Variants in FRMPD2 observed in about 807,000 individuals in gnomAD.
FRMPD2 encodes the protein FERM and PDZ domain containing 2.
FRMPD2 carries 96 observed loss-of-function variants against 140.1 expected under a neutral mutation model. The observed-to-expected ratio is 0.69, with a 90% CI of 0.58 to 0.81. FRMPD2 has a LOEUF of 0.81. FRMPD2 is among the 40% of genes least tolerant of loss of function. The pLI is 0.00. For missense variants in FRMPD2, 1,240 were observed against 1,447.4 expected, an observed-to-expected ratio of 0.86 and a Z score of 2.32; for synonymous variants, 449 against 547.6, an observed-to-expected ratio of 0.82 and a Z score of 2.52.
chr10:48,185,558 C>T lies in FRMPD2; in HGVS notation c.2354G>A (p.Gly785Asp), dbSNP rs764039311. 1.1e-5 allele frequency: 18 copies of T among 1,613,684 alleles called. No individual in the cohort carries two copies. In the South Asian group the frequency reaches 1.5e-4, roughly 14 times the overall value. ...RVTLKRDPHR[G>D]FGFVINEGEY... ...CCTACAGGGAGCCCTCTTACCAAAACCACGATGTGGGTCACGTTTCAGTGT... is the reference window on the plus strand; with the variant it reads ...CCTACAGGGAGCCCTCTTACCAAAATCACGATGTGGGTCACGTTTCAGTGT... The change falls in exon 18 of 29, where the codon GGT (glycine) becomes GAT (aspartate). Residue 785 changes from glycine (G) to aspartate (D), a missense_variant. Transcript: ENST00000374201.
rs3045792 is a variant in FRMPD2 at position 48,168,068 on chromosome 10, A to AACACAC, written c.3537+521_3537+526dup. Reference sequence around the variant, plus strand: ...CTCTTCATATATAAACACACACATAAACACACACACACACACACTCATTCT... The same window carrying AACACAC: ...CTCTTCATATATAAACACACACATAAACACACACACACACACACACACACTCATTCT... On this transcript the variant is annotated intron_variant, in intron 27 of 28. Coordinates refer to ENST00000374201, the MANE Select transcript of FRMPD2 (RefSeq NM_001018071.4). 8.6e-4 allele frequency among the ~76,000 whole-genome samples: 124 copies of AACACAC among 143,646 alleles called. 2 individuals carry two copies. Among genetic ancestry groups the AACACAC allele is most frequent in the African/African-American group, 3.3e-3 (120 of 35,862 alleles). 94.2% of individuals were successfully genotyped at this position (143,646 alleles called of 152,430 possible).
Position 48,174,971 on chromosome 10 carries a change from A to C in FRMPD2, c.2990-16T>G. 1.6e-5 allele frequency: 12 copies of C among 728,846 alleles called. No individual in the cohort carries two copies. Among genetic ancestry groups the C allele is most frequent in the Non-Finnish European group, 2.6e-5 (11 of 417,082 alleles). The allele number at this position is 728,846 out of a possible 1,614,324, so 45.1% of individuals were successfully genotyped here. On this transcript the variant is annotated splice_polypyrimidine_tract_variant and intron_variant, in intron 23 of 28. Transcript: ENST00000374201. The stretch of plus-strand genomic sequence containing the variant: ...AGTCGGTCACCTGGGAAAGGGATAG[A>C]TGTCATGTCATGACCTGGTGCTTGA...
chr10:48,208,165 A>G (rs1030569931), intron 13 of FRMPD2, among the ~76,000 whole-genome samples: 1 of 152,194 alleles, frequency 6.6e-6, no homozygotes, highest in Non-Finnish European at 1.5e-5. Flanking sequence ...TTAAAGTTTA[A>G]AAAGCAGGGC....
rs191672464 is a variant in FRMPD2 at position 48,186,484 on chromosome 10, C to G, written c.2266+708G>C. ...GGGGGCTGGTCTTTCCCATGCTATTCTCGTGATAGTGAATAAGTCTCACGA... is the reference window on the plus strand; with the variant it reads ...GGGGGCTGGTCTTTCCCATGCTATTGTCGTGATAGTGAATAAGTCTCACGA... On this transcript the variant is annotated intron_variant, in intron 17 of 28. Transcript: ENST00000374201. Among the ~76,000 whole-genome samples the G allele has an allele frequency of 1.1e-4, 17 of 152,320 alleles. No homozygotes were observed. In the East Asian group the frequency reaches 3.1e-3, roughly 28 times the overall value.
chr10:48,266,807 G>C (rs527738747), intron 1 of FRMPD2, among the ~76,000 whole-genome samples: 1 of 152,310 alleles, frequency 6.6e-6, no homozygotes, highest in Admixed American at 6.5e-5. Flanking sequence ...GCCTCCCCAC[G>C]GGGGTGGTGC....
chr10:48,208,620 G>A (rs1311769302), intron 13 of FRMPD2, among the ~76,000 whole-genome samples: 2 of 152,204 alleles, frequency 1.3e-5, no homozygotes, highest in Non-Finnish European at 2.9e-5. Context: ...AAACATAGGT[G>A]AATACACTTA....
At chr10:48,273,451 A>T (rs1466237518) in intron 1 of FRMPD2, among the ~76,000 whole-genome samples, 2 of 152,232 alleles carry the variant, frequency 1.3e-5, no homozygotes, top group East Asian at 3.9e-4. Flanking sequence ...GTTAGGCCAA[A>T]CTGCCTGCTG....
At chr10:48,274,469 C>G (rs1471329527) in intron 1 of FRMPD2, 74 bp downstream of exon 1, 1 of 1,319,724 alleles carries the variant, frequency 7.6e-7, no homozygotes, top group African/African-American at 1.4e-5. Context: ...ATTCCGGATA[C>G]CTAGACCCAG....
intron 22 of FRMPD2, among the ~76,000 whole-genome samples, chr10:48,177,107 C>CTTT (rs797028246): frequency 2.3e-5 from 3 of 130,696 alleles, no homozygotes; most frequent in African/African-American, 6.1e-5. Flanking sequence ...TAATGGATCA[C>CTTT]TTTTTTTTTT....
chr10:48,232,346 G>T, intron 9 of FRMPD2, 57 bp from the exon 10 acceptor site: 1 of 1,318,812 alleles, frequency 7.6e-7, no homozygotes, highest in Non-Finnish European at 1.1e-6. Flanking sequence ...AGCCTTTAGT[G>T]TGTGCTGGTT....
intron 5 of FRMPD2, 52 bp from the exon 6 acceptor site, chr10:48,240,544 T>A: frequency 6.2e-7 from 1 of 1,607,152 alleles, no homozygotes; most frequent in South Asian, 1.1e-5. Flanking sequence ...GAGGGGGCGT[T>A]TTTATAGATA....
At chr10:48,247,239 G>A (rs1840270894) in intron 3 of FRMPD2, among the ~76,000 whole-genome samples, 1 of 152,200 alleles carries the variant, frequency 6.6e-6, no homozygotes, top group Non-Finnish European at 1.5e-5. Flanking sequence ...CCTTCATAAG[G>A]TACTCAATGG....
At chr10:48,257,169 T>C (rs1409370503) in intron 1 of FRMPD2, among the ~76,000 whole-genome samples, 1 of 151,434 alleles carries the variant, frequency 6.6e-6, no homozygotes, top group Non-Finnish European at 1.5e-5. Flanking sequence ...TCTTCTGTTT[T>C]AAATCTCCCA....
intron 1 of FRMPD2, among the ~76,000 whole-genome samples, chr10:48,255,867 A>G (rs1441318291): frequency 6.6e-6 from 1 of 152,198 alleles, no homozygotes; most frequent in East Asian, 1.9e-4. Context: ...AAGCCCGCTC[A>G]TGGTGAGGGA....
At chr10:48,193,652 G>A (rs1375621596) in intron 15 of FRMPD2, among the ~76,000 whole-genome samples, 1 of 152,188 alleles carries the variant, frequency 6.6e-6, no homozygotes, top group East Asian at 1.9e-4. Context: ...ACAGGAAAAT[G>A]ATGACTACAT....
At chr10:48,252,569 T>A (rs1211868850) in intron 1 of FRMPD2, among the ~76,000 whole-genome samples, 2 of 152,166 alleles carry the variant, frequency 1.3e-5, no homozygotes, top group African/African-American at 2.4e-5. Context: ...CAAGATCTAC[T>A]CCCCAGCTGC....
In FRMPD2 at chr10:48,232,104, G is replaced by C. The variant is rs768155922; in HGVS notation, c.1168+11C>G. The C allele has an allele frequency of 1.5e-5, 24 of 1,613,916 alleles. No homozygotes were observed. The South Asian group carries it at 2.4e-4, about 16-fold the overall frequency. ...ACCAGGCCAGCTGTGAGCTGCCCAA[G>C]AGATGCTTACTTTTCATATACGCCA... On this transcript the variant is annotated intron_variant, in intron 10 of 28. Coordinates refer to ENST00000374201, the MANE Select transcript of FRMPD2 (RefSeq NM_001018071.4).
At chr10:48,192,600 AT>A (rs1838854560) in intron 16 of FRMPD2, 83 bp downstream of exon 16, 2 of 1,269,418 alleles carry the variant, frequency 1.6e-6, no homozygotes, top group Non-Finnish European at 1.1e-6. Context: ...CAAAAAAAAA[AT>A]AAAATAAATC....
At chr10:48,177,817 A>C (rs1359584066) in intron 22 of FRMPD2, 9 of 364,934 alleles carry the variant, frequency 2.5e-5, no homozygotes, top group Non-Finnish European at 4.3e-5. Flanking sequence ...CTGCCTCCTC[A>C]TGAGTTTGGA....
Sources: gnomAD v4.1 joint callset for allele counts (sites outside exome capture counted in the v4.1 genomes callset) on GRCh38, gnomAD v4.1.1 for gene constraint, MANE v1.5 for transcripts, NCBI Gene and HGNC (gene_info 2026-07-23, HGNC 2026-07-21) for gene names.